NWD1: variants seen among roughly 807,000 people sequenced by gnomAD.
NWD1 encodes the protein NACHT and WD repeat domain containing 1, also known as NACHT domain- and WD repeat-containing protein 1.
A neutral mutation model predicts 135.1 loss-of-function variants in NWD1; 129 were observed. That is an observed-to-expected ratio of 0.96 (90% CI 0.83 to 1.11). The LOEUF (loss-of-function observed/expected upper bound fraction) is 1.11, where lower values mean the gene tolerates loss of function less well. Among genes scored for constraint, NWD1 ranks in the 50% least tolerant of loss-of-function variants. NWD1 has a pLI of 0.00. For missense variants in NWD1, 1,740 were observed against 1,851.3 expected, an observed-to-expected ratio of 0.94 and a Z score of 1.10; for synonymous variants, 773 against 786.0, an observed-to-expected ratio of 0.98 and a Z score of 0.28.
intron 7 of NWD1, among the ~76,000 whole-genome samples, chr19:16,759,882 T>C (rs748276341): frequency 2.0e-5 from 3 of 152,026 alleles, no homozygotes; most frequent in Admixed American, 1.3e-4. Context: ...TAATCCCAGC[T>C]GCTCGGGAGG....
At chr19:16,769,724 C>T (rs867344977) in intron 10 of NWD1, among the ~76,000 whole-genome samples, 4 of 152,208 alleles carry the variant, frequency 2.6e-5, no homozygotes, top group South Asian at 2.1e-4. Flanking sequence ...AAATGCGATT[C>T]CTCAGAGAAG....
intron 10 of NWD1, 40 bp from the exon 11 acceptor site, chr19:16,773,086 G>C (rs1969470175): frequency 1.3e-6 from 2 of 1,573,612 alleles, no homozygotes; most frequent in Non-Finnish European, 1.7e-6. Context: ...GGTAGAGGGG[G>C]CTCAATCCAG....
At chr19:16,800,251 A>G in intron 17 of NWD1, 89 bp downstream of exon 17, 2 of 1,319,236 alleles carry the variant, frequency 1.5e-6, no homozygotes, top group Non-Finnish European at 2.1e-6. Context: ...TCATCCCCAC[A>G]GGCTGGGCCC....
At chr19:16,738,626 CTAT>C (rs759173240) in intron 4 of NWD1, among the ~76,000 whole-genome samples, 10,836 of 144,896 alleles carry the variant, frequency 0.075, 614 homozygotes, top group African/African-American at 0.17. Context: ...TTTCTGAGAT[CTAT>C]TTTCTGAGAC....
chr19:16,797,951 G>A lies in NWD1; in HGVS notation c.3459+65G>A. 2.0e-6 allele frequency: 3 copies of A among 1,493,788 alleles called. No individual in the cohort carries two copies. In the Admixed American group the frequency reaches 6.2e-5, roughly 31 times the overall value. The allele number at this position is 1,493,788 out of a possible 1,614,324, so 92.5% of individuals were successfully genotyped here. ...TCGGGAACAGACACTGATTCTTTAG[G>A]GATTTTTGGCTGCAAAATACAGACA... On this transcript the variant is annotated intron_variant, in intron 16 of 18. Coordinates refer to ENST00000524140, the MANE Select transcript of NWD1 (RefSeq NM_001007525.5).
chr19:16,744,127 G>A (rs535881979), intron 4 of NWD1, among the ~76,000 whole-genome samples: 36 of 152,252 alleles, frequency 2.4e-4, no homozygotes, highest in Middle Eastern at 3.4e-3. Flanking sequence ...AGTGGCTCAC[G>A]ACAGTAATCC....
At chr19:16,761,348 T>TCTC (rs1969002856) in intron 7 of NWD1, among the ~76,000 whole-genome samples, 6 of 147,946 alleles carry the variant, frequency 4.1e-5, no homozygotes, top group African/African-American at 1.6e-4. Context: ...TTCCCTTTCT[T>TCTC]TCTCTTTCTT....
At chr19:16,725,034 C>A (rs1346488278) in intron 2 of NWD1, among the ~76,000 whole-genome samples, 1 of 148,216 alleles carries the variant, frequency 6.7e-6, no homozygotes, top group African/African-American at 2.5e-5. Flanking sequence ...TTTTTTGAGA[C>A]GGGGTCTCAC....
At chr19:16,724,791 C>T (rs897995218) in intron 2 of NWD1, among the ~76,000 whole-genome samples, 2 of 151,670 alleles carry the variant, frequency 1.3e-5, no homozygotes, top group African/African-American at 2.4e-5. Flanking sequence ...CTCCCAGGTT[C>T]GAGTAATTCT....
At chr19:16,778,946 G>A (rs541141566) in intron 11 of NWD1, among the ~76,000 whole-genome samples, 3 of 152,152 alleles carry the variant, frequency 2.0e-5, no homozygotes, top group Admixed American at 6.6e-5. Context: ...GTTGTCATGC[G>A]TTGCTGGGTG....
At chr19:16,728,786 T>C (rs1967431886) in intron 2 of NWD1, among the ~76,000 whole-genome samples, 1 of 149,068 alleles carries the variant, frequency 6.7e-6, no homozygotes. Context: ...CTACTAAAAA[T>C]ACAAAAAATT....
At chr19:16,805,881 T>A (rs998530674) in intron 17 of NWD1, among the ~76,000 whole-genome samples, 1 of 152,026 alleles carries the variant, frequency 6.6e-6, no homozygotes, top group African/African-American at 2.4e-5. Context: ...TTCTTCTTTT[T>A]TTTTTGAGAG....
At position 16,749,701 on chromosome 19, in the gene NWD1, G is replaced by C. The variant is rs141235836; in HGVS notation, c.1059G>C (p.Lys353Asn). Residue 353 changes from lysine (K) to asparagine (N), a missense_variant, in exon 6 of 19, where the codon AAG becomes AAC. Transcript: ENST00000524140. ...PGIGKTALMC[K>N]LAEQMPRLLG... ...TTGGAAAGACAGCCCTGATGTGCAAGCTGGCTGAGCAGATGCCAAGGCTGC... is the reference window on the plus strand; with the variant it reads ...TTGGAAAGACAGCCCTGATGTGCAACCTGGCTGAGCAGATGCCAAGGCTGC... The C allele has an allele frequency of 7.6e-4, 1,224 of 1,602,124 alleles. 1 individual carries two copies. Among genetic ancestry groups the C allele is most frequent in the Non-Finnish European group, 9.8e-4 (1,151 of 1,173,136 alleles).
chr19:16,782,750 A>G (rs527626330), intron 12 of NWD1, among the ~76,000 whole-genome samples: 1 of 152,172 alleles, frequency 6.6e-6, no homozygotes, highest in East Asian at 1.9e-4. Context: ...AGTCCCAGCT[A>G]CAAGGAGGAG....
chr19:16,797,175 A>C (rs1354983056), intron 15 of NWD1, among the ~76,000 whole-genome samples: 1 of 149,552 alleles, frequency 6.7e-6, no homozygotes, highest in Non-Finnish European at 1.5e-5. Context: ...GCGAGACTCC[A>C]TCTCAAAAAA....
chr19:16,810,437 C>CAAAAAAAAAAA (rs529841524), intron 18 of NWD1, among the ~76,000 whole-genome samples: 2 of 66,246 alleles, frequency 3.0e-5, no homozygotes, highest in Admixed American at 1.7e-4. Flanking sequence ...GACTCCATCT[C>CAAAAAAAAAAA]AAAAAAAAAA....
intron 2 of NWD1, 50 bp from the exon 3 acceptor site, chr19:16,731,142 G>A (rs1967543156): frequency 2.2e-6 from 2 of 926,944 alleles, no homozygotes; most frequent in African/African-American, 3.4e-5. Context: ...ATGAGGCTGG[G>A]AAGAGTTCTG....
At chr19:16,791,993 C>A (rs1311721919) in intron 14 of NWD1, among the ~76,000 whole-genome samples, 4 of 152,178 alleles carry the variant, frequency 2.6e-5, no homozygotes, top group African/African-American at 7.2e-5. Flanking sequence ...GGATTACAGG[C>A]ATGAGCCACC....
chr19:16,736,185 T>TTTCCTTCC lies in NWD1; in HGVS notation c.82-442_82-441insCTTCCTTC, dbSNP rs1426693187. ...CCTTGGCAGTCTTTTTCTTTCCTTC[T>TTTCCTTCC]TTCCTTCTTTCCTTCCTTCCTTCTT... On this transcript the variant is annotated intron_variant, in intron 3 of 18. Coordinates refer to ENST00000524140, the MANE Select transcript of NWD1 (RefSeq NM_001007525.5). Among the ~76,000 whole-genome samples the TTTCCTTCC allele has an allele frequency of 3.3e-4, 9 of 27,102 alleles. No individual in the cohort carries two copies. The East Asian group carries it at 4.2e-3, about 13-fold the overall frequency. 17.8% of individuals were successfully genotyped at this position (27,102 alleles called of 152,430 possible). A position where few individuals can be genotyped will look rare whatever the true frequency, so the allele number is the denominator to read the frequency against.
Sources: allele counts gnomAD v4.1 joint callset (sites outside exome capture counted in the v4.1 genomes callset), GRCh38; gene constraint gnomAD v4.1.1; transcripts MANE v1.5; gene names NCBI Gene and HGNC (gene_info 2026-07-23, HGNC 2026-07-21).